The following RGS7 variants were observed in gnomAD, a reference collection of about 807,000 sequenced individuals.
The protein encoded by RGS7 is regulator of G protein signaling 7.
In RGS7, 27 loss-of-function variants were observed where a neutral mutation model predicts 81.1. The ratio of observed to expected loss-of-function variants is 0.33; its 90% CI spans 0.25 to 0.46. The LOEUF (loss-of-function observed/expected upper bound fraction) is 0.46, where lower values mean the gene tolerates loss of function less well. Ranked by LOEUF, RGS7 falls within the 20% of genes least tolerant of loss-of-function variation. The pLI, the probability that RGS7 is intolerant of heterozygous loss-of-function variation, is 1.00. For missense variants in RGS7, 396 were observed against 607.4 expected (o/e 0.65, Z 3.66); for synonymous variants, 208 against 207.7 (o/e 1.00, Z -0.01).
chr1:240,918,758 T>C (rs1673000782), intron 6 of RGS7, among the ~76,000 whole-genome samples: 1 of 151,778 alleles, frequency 6.6e-6, no homozygotes, highest in Non-Finnish European at 1.5e-5. Context: ...ATCAATAAAA[T>C]TGAAAATCAA....
chr1:240,834,572 G>A (rs532298461), intron 9 of RGS7, among the ~76,000 whole-genome samples: 1 of 152,120 alleles, frequency 6.6e-6, no homozygotes, highest in Non-Finnish European at 1.5e-5. Flanking sequence ...GTGCAGGGGC[G>A]TGACCTCGGC....
At chr1:241,185,751 A>G (rs2072038340) in intron 2 of RGS7, among the ~76,000 whole-genome samples, 1 of 152,186 alleles carries the variant, frequency 6.6e-6, no homozygotes, top group African/African-American at 2.4e-5. Flanking sequence ...AAGCCAAAGA[A>G]GAAGTAATGA....
intron 10 of RGS7, 147 bp downstream of exon 10, chr1:240,826,951 G>T (rs1692941548): frequency 1.4e-6 from 1 of 728,040 alleles, no homozygotes; most frequent in Non-Finnish European, 2.5e-6. Context: ...ATTAGGGTGG[G>T]GCTATTCTTG....
chr1:241,109,366 C>T (rs1027920874), intron 2 of RGS7, among the ~76,000 whole-genome samples: 6 of 152,216 alleles, frequency 3.9e-5, no homozygotes, highest in South Asian at 2.1e-4. Context: ...CCTCTCTCAT[C>T]CCAACAGAAT....
intron 4 of RGS7, among the ~76,000 whole-genome samples, chr1:240,979,505 G>A (rs1414440205): frequency 6.6e-6 from 1 of 152,196 alleles, no homozygotes; most frequent in East Asian, 1.9e-4. Context: ...AACTGAGCTT[G>A]GGATTACAAT....
intron 7 of RGS7, among the ~76,000 whole-genome samples, chr1:240,869,283 A>G (rs550703596): frequency 2.0e-5 from 3 of 152,168 alleles, no homozygotes; most frequent in South Asian, 2.1e-4. Context: ...GCGGCCCACA[A>G]CCTATTCCTA....
chr1:241,072,782 C>A (rs2062552934), intron 3 of RGS7, among the ~76,000 whole-genome samples: 1 of 152,142 alleles, frequency 6.6e-6, no homozygotes, highest in African/African-American at 2.4e-5. Flanking sequence ...ACGATAGCAC[C>A]AGAGGCAGGA....
Position 241,210,155 on chromosome 1 carries a change from A to ATT in RGS7, c.79-111395_79-111394dup, listed in dbSNP as rs199641964. 4.3e-3 allele frequency among the ~76,000 whole-genome samples: 659 copies of ATT among 151,792 alleles called. 11 individuals carry two copies. Among genetic ancestry groups the ATT allele is most frequent in the African/African-American group, 0.016 (641 of 41,342 alleles). The stretch of plus-strand genomic sequence containing the variant: ...CAGGAATGCAACCATATATATATAT[A>ATT]TTTTTTCTTTTTGAGATGGAGTCTC... On this transcript the variant is annotated intron_variant, in intron 2 of 18. Coordinates refer to ENST00000440928, the MANE Select transcript of RGS7 (RefSeq NM_001364886.1).
intron 6 of RGS7, among the ~76,000 whole-genome samples, chr1:240,899,846 G>C (rs1669692268): frequency 1.3e-5 from 2 of 152,140 alleles, no homozygotes; most frequent in Admixed American, 1.3e-4. Flanking sequence ...TTGCTAGGTA[G>C]GTGAAGTTCT....
intron 7 of RGS7, 110 bp downstream of exon 7, chr1:240,869,945 A>C: frequency 1.0e-6 from 1 of 994,646 alleles, no homozygotes; most frequent in Non-Finnish European, 1.6e-6. Flanking sequence ...CATCTCAAAA[A>C]AAAGAAAAAG....
At chr1:241,177,474 G>A (rs556175656) in intron 2 of RGS7, among the ~76,000 whole-genome samples, 9 of 152,306 alleles carry the variant, frequency 5.9e-5, no homozygotes, top group South Asian at 4.1e-4. Flanking sequence ...ATCTAGGGCC[G>A]TATTTATAAA....
At chr1:241,079,490 T>C (rs1022214259) in intron 3 of RGS7, among the ~76,000 whole-genome samples, 4 of 151,840 alleles carry the variant, frequency 2.6e-5, no homozygotes, top group African/African-American at 9.7e-5. Context: ...AGAAAAGGAA[T>C]GATTAATGCC....
intron 9 of RGS7, among the ~76,000 whole-genome samples, chr1:240,828,274 T>C (rs1253746883): frequency 6.6e-6 from 1 of 152,034 alleles, no homozygotes; most frequent in Non-Finnish European, 1.5e-5. Context: ...GCAAGCTCCT[T>C]GTATATTTGG....
At chr1:240,994,041 A>G (rs965805274) in intron 3 of RGS7, among the ~76,000 whole-genome samples, 1 of 152,188 alleles carries the variant, frequency 6.6e-6, no homozygotes, top group Non-Finnish European at 1.5e-5. Flanking sequence ...CTACATGTCT[A>G]TCCTTCTACC....
chr1:240,794,326 CAA>C (rs1311994899), intron 18 of RGS7, among the ~76,000 whole-genome samples: 2 of 152,128 alleles, frequency 1.3e-5, no homozygotes, highest in South Asian at 2.1e-4. Context: ...TTTTTAACCA[CAA>C]AGAGTATCAC....
chr1:241,124,830 T>C (rs1427424884), intron 2 of RGS7, among the ~76,000 whole-genome samples: 1 of 152,236 alleles, frequency 6.6e-6, no homozygotes, highest in Non-Finnish European at 1.5e-5. Flanking sequence ...TAGGACACTG[T>C]AGGCGCTGCA....
At chr1:240,834,458 T>C (rs1370775891) in intron 9 of RGS7, among the ~76,000 whole-genome samples, 5 of 152,150 alleles carry the variant, frequency 3.3e-5, no homozygotes, top group African/African-American at 1.2e-4. Context: ...TCACAGACCA[T>C]GATAAGGTGG....
intron 4 of RGS7, among the ~76,000 whole-genome samples, chr1:240,944,449 A>G (rs897674354): frequency 6.6e-6 from 1 of 151,700 alleles, no homozygotes; most frequent in Non-Finnish European, 1.5e-5. Context: ...ATTACAGTGG[A>G]AAACAACATT....
chr1:241,238,069 C>A (rs1031457342), intron 2 of RGS7, among the ~76,000 whole-genome samples: 3 of 152,114 alleles, frequency 2.0e-5, no homozygotes, highest in Non-Finnish European at 4.4e-5. Context: ...AATTCCTTCC[C>A]TCAAAGGCCT....
Sources: gnomAD v4.1 joint callset for allele counts (sites outside exome capture counted in the v4.1 genomes callset) on GRCh38, gnomAD v4.1.1 for gene constraint, MANE v1.5 for transcripts, NCBI Gene and HGNC (gene_info 2026-07-23, HGNC 2026-07-21) for gene names.